The following CYBB variants were observed in gnomAD, a reference collection of about 807,000 sequenced individuals.
CYBB encodes cytochrome b-245 beta chain.
Under a neutral mutation model 46.5 loss-of-function variants are expected in CYBB, and 5 were observed. That is an observed-to-expected ratio of 0.11 (90% CI 0.06 to 0.23). The LOEUF (loss-of-function observed/expected upper bound fraction) is 0.23, where lower values mean the gene tolerates loss of function less well. CYBB is among the 10% of genes least tolerant of loss of function. CYBB has a pLI of 1.00. For synonymous variants in CYBB, 183 were observed against 156.7 expected (o/e 1.17, Z -1.26); for missense variants, 307 against 428.3 (o/e 0.72, Z 2.50).
intron 7 of CYBB, among the ~76,000 whole-genome samples, chrX:37,799,569 C>T (rs1321516178): frequency 1.8e-5 from 2 of 111,944 alleles, no homozygotes; most frequent in Non-Finnish European, 1.9e-5. Flanking sequence ...TAGGAGTTTT[C>T]TGTTTATGAG....
At chrX:37,805,363 A>G (rs1193994475) in intron 10 of CYBB, among the ~76,000 whole-genome samples, 195 bp downstream of exon 10, 1 of 111,928 alleles carries the variant, frequency 8.9e-6, no homozygotes. Flanking sequence ...AAGTAGGCCT[A>G]TTAGTGAAGG....
At chrX:37,782,528 A>G (rs782553920) in intron 2 of CYBB, among the ~76,000 whole-genome samples, 4 of 112,757 alleles carry the variant, frequency 3.5e-5, no homozygotes, top group African/African-American at 6.4e-5. Flanking sequence ...GGGACTTTCC[A>G]TATTTTCTAA....
At chrX:37,800,684 GA>G (rs1194750279) in intron 7 of CYBB, among the ~76,000 whole-genome samples, 1 of 111,054 alleles carries the variant, frequency 9.0e-6, no homozygotes, top group Non-Finnish European at 1.9e-5. Context: ...TGCATGTTCT[GA>G]CCCAAGAAAT....
Position 37,796,107 on chromosome X carries a change from A to T in CYBB, c.640A>T (p.Ile214Phe), listed in dbSNP as rs782161619. 1.7e-6 allele frequency: 2 copies of T among 1,208,531 alleles called. No individual in the cohort carries two copies. The highest frequency in any genetic ancestry group is 1.8e-5 in the South Asian group (1 of 56,852). Reference sequence around the variant, plus strand: ...TTGGTACACACATCATCTCTTTGTGATCTTCTTCATTGGCCTTGCCATCCA... The same window carrying T: ...TTGGTACACACATCATCTCTTTGTGTTCTTCTTCATTGGCCTTGCCATCCA... ...VFWYTHHLFV[I>F]FFIGLAIHGA... is the part of the protein sequence containing the mutation. The change falls in exon 6 of 13, where the codon ATC (isoleucine) becomes TTC (phenylalanine). Residue 214 changes from isoleucine to phenylalanine, a missense_variant. Physicochemically the swap from Ile to Phe is conservative, Grantham distance 21. Around this residue, in one of 3 missense-constraint regions of CYBB, gnomAD observed 82 missense variants for 69.9 expected, o/e 1.17. Coordinates refer to ENST00000378588, the MANE Select transcript of CYBB (RefSeq NM_000397.4).
intron 12 of CYBB, among the ~76,000 whole-genome samples, chrX:37,810,170 C>T (rs1556472863): frequency 8.9e-6 from 1 of 111,912 alleles, no homozygotes; most frequent in East Asian, 2.8e-4. Context: ...TGAGGGGGAT[C>T]CCTTATCTTG....
intron 6 of CYBB, among the ~76,000 whole-genome samples, chrX:37,797,402 A>C (rs929697551): frequency 1.8e-5 from 2 of 111,733 alleles, no homozygotes; most frequent in African/African-American, 6.5e-5. Flanking sequence ...GCAGATACTC[A>C]TCTTCCTTTG....
intron 4 of CYBB, 79 bp from the exon 5 acceptor site, chrX:37,793,586 G>C (rs370897470): frequency 1.9e-6 from 2 of 1,071,001 alleles, no homozygotes. Context: ...TAGAGTCAGA[G>C]GCTGTCCCAG....
chrX:37,804,759 A>G (rs1929518078), intron 9 of CYBB, among the ~76,000 whole-genome samples: 1 of 110,836 alleles, frequency 9.0e-6, no homozygotes, highest in African/African-American at 3.3e-5. Flanking sequence ...GGAGATTAAA[A>G]AAAAAAAAAA....
chrX:37,793,319 G>C (rs1929236193), intron 4 of CYBB, among the ~76,000 whole-genome samples: 1 of 109,670 alleles, frequency 9.1e-6, no homozygotes, highest in Non-Finnish European at 1.9e-5. Flanking sequence ...GAGATAATGA[G>C]AGCATATCTA....
chrX:37,797,347 C>T (rs1443383000), intron 6 of CYBB, among the ~76,000 whole-genome samples: 13 of 111,699 alleles, frequency 1.2e-4, no homozygotes, highest in Non-Finnish European at 2.1e-4. Context: ...AATTTCTTCC[C>T]CTCTCCAATT....
intron 7 of CYBB, among the ~76,000 whole-genome samples, chrX:37,799,785 T>C (rs1929398538): frequency 8.9e-6 from 1 of 111,951 alleles, no homozygotes; most frequent in East Asian, 2.8e-4. Context: ...CATATCATTT[T>C]CCCCATTGGC....
chrX:37,812,779 G>C lies in CYBB; in HGVS notation c.*1862G>C, dbSNP rs1929701918. ...TGTGCGAATATAGCCTTTCTGAAATGTACCAGGATGGTTTCTGCTTAGAGA... is the reference window on the plus strand; with the variant it reads ...TGTGCGAATATAGCCTTTCTGAAATCTACCAGGATGGTTTCTGCTTAGAGA... On this transcript the variant is annotated 3_prime_UTR_variant, in exon 13 of 13. Transcript: ENST00000378588. The C allele has an allele frequency of 8.9e-6, 1 of 111,868 alleles. No individual in the cohort carries two copies. Among genetic ancestry groups the C allele is most frequent in the East Asian group, 2.7e-4 (1 of 3,673 alleles). The allele number at this position is 111,868 out of a possible 1,213,427, so 9.2% of individuals were successfully genotyped here.
At chrX:37,792,094 T>C in intron 4 of CYBB, 35 bp downstream of exon 4, 2 of 939,328 alleles carry the variant, frequency 2.1e-6, no homozygotes, top group Non-Finnish European at 3.1e-6. Flanking sequence ...AACCAGGGAG[T>C]TCCCTCTATT....
At chrX:37,809,830 A>G (rs1929635126) in intron 12 of CYBB, 139 bp downstream of exon 12, 1 of 601,534 alleles carries the variant, frequency 1.7e-6, no homozygotes, top group Admixed American at 3.3e-5. Context: ...GCCCAACAGA[A>G]GATTCCAGAT....
At chrX:37,804,768 A>C (rs1929518627) in intron 9 of CYBB, among the ~76,000 whole-genome samples, 1 of 110,643 alleles carries the variant, frequency 9.0e-6, no homozygotes, top group African/African-American at 3.3e-5. Context: ...AAAAAAAAAA[A>C]ACTTGTTCTG....
chrX:37,807,087 G>A (rs1352928017), intron 11 of CYBB, among the ~76,000 whole-genome samples: 1 of 110,834 alleles, frequency 9.0e-6, no homozygotes, highest in Non-Finnish European at 1.9e-5. Flanking sequence ...TATAAATAGG[G>A]TTCATGTTAG....
rs782726868 is a variant in CYBB, at chrX:37,809,719, T to C, written c.1586+28T>C. 9.1e-6 allele frequency: 11 copies of C among 1,206,043 alleles called. No individual in the cohort carries two copies. The East Asian group carries it at 3.0e-4, about 32-fold the overall frequency. ...AAGGAGTCTGTCACCAAGATGTTTT[T>C]GAGGCTTGCATCTGCCTAAAGCGGC... On this transcript the variant is annotated intron_variant, in intron 12 of 12. Coordinates refer to ENST00000378588, the MANE Select transcript of CYBB (RefSeq NM_000397.4).
intron 11 of CYBB, among the ~76,000 whole-genome samples, chrX:37,807,312 G>A (rs782145643): frequency 9.2e-6 from 1 of 108,558 alleles, no homozygotes; most frequent in East Asian, 2.9e-4. Flanking sequence ...AAAGGATTCT[G>A]TATATATATA....
chrX:37,804,724 C>T (rs1165951776), intron 9 of CYBB, among the ~76,000 whole-genome samples: 2 of 102,905 alleles, frequency 1.9e-5, no homozygotes, highest in African/African-American at 7.2e-5. Flanking sequence ...GTGGAGGGGG[C>T]GTTGTTGTGT....
Sources: gnomAD v4.1 joint callset for allele counts (sites outside exome capture counted in the v4.1 genomes callset) on GRCh38, gnomAD v4.1.1 for gene constraint, gnomAD v4.1.1 regional missense constraint, MANE v1.5 for transcripts, NCBI Gene and HGNC (gene_info 2026-07-23, HGNC 2026-07-21) for gene names.